EFL1: variants seen among roughly 807,000 people sequenced by gnomAD.
The protein encoded by EFL1 is elongation factor-like GTPase 1.
A neutral mutation model predicts 126.7 loss-of-function variants in EFL1; 76 were observed. The observed-to-expected ratio is 0.60, with a 90% confidence interval of 0.50 to 0.73. EFL1 has a LOEUF of 0.73. Among genes scored for constraint, EFL1 ranks in the 30% least tolerant of loss-of-function variants. The probability of loss-of-function intolerance (pLI) is 0.00; values close to 1 mark genes in which losing one functional copy is unlikely to be tolerated. For synonymous variants in EFL1, 410 were observed against 448.4 expected, an observed-to-expected ratio of 0.91 and a Z score of 1.08; for missense variants, 1,128 against 1,343.2, an observed-to-expected ratio of 0.84 and a Z score of 2.50.
At position 82,132,691 on chromosome 15, in the gene EFL1, GGGGGGTA is replaced by G. The variant is rs1320355036; in HGVS notation, c.3175-2137_3175-2131del. On this transcript the variant is annotated intron_variant, in intron 19 of 19. Coordinates refer to ENST00000268206, the MANE Select transcript of EFL1 (RefSeq NM_024580.6). ...ACAAGGTCCAGGAATTGGGGGGGGGGGGGGGTAGGCAGAGTGGCAGACAAGGGCGAAT... is the reference window on the plus strand; with the variant it reads ...ACAAGGTCCAGGAATTGGGGGGGGGGGGCAGAGTGGCAGACAAGGGCGAAT... Among the ~76,000 whole-genome samples, 3 of 119,316 alleles carry G rather than the reference GGGGGGTA, an allele frequency of 2.5e-5. 1 individual carries two copies. The highest frequency in any genetic ancestry group is 5.3e-5 in the Non-Finnish European group (3 of 57,022). The allele number at this position is 119,316 out of a possible 152,430, so 78.3% of individuals were successfully genotyped here. A position where few individuals can be genotyped will look rare whatever the true frequency, so the allele number is the denominator to read the frequency against.
At chr15:82,253,781 T>C (rs1412856126) in intron 3 of EFL1, among the ~76,000 whole-genome samples, 1 of 152,210 alleles carries the variant, frequency 6.6e-6, no homozygotes, top group Non-Finnish European at 1.5e-5. Flanking sequence ...TACCCACCAA[T>C]GAGTGTCTAC....
At chr15:82,186,868 G>A (rs2074309139) in intron 15 of EFL1, among the ~76,000 whole-genome samples, 1 of 152,124 alleles carries the variant, frequency 6.6e-6, no homozygotes, top group Non-Finnish European at 1.5e-5. Flanking sequence ...TAAATTGCAG[G>A]TCCCCTGGAA....
intron 19 of EFL1, among the ~76,000 whole-genome samples, 176 bp from the exon 20 acceptor site, chr15:82,130,737 G>T (rs897330871): frequency 6.6e-6 from 1 of 152,206 alleles, no homozygotes; most frequent in South Asian, 2.1e-4. Context: ...GGTGGCTCAC[G>T]CCTATAGTCC....
chr15:82,228,405 C>T (rs1355885453), intron 9 of EFL1, 78 bp from the exon 10 acceptor site: 5 of 1,488,344 alleles, frequency 3.4e-6, no homozygotes, highest in Middle Eastern at 1.8e-4. Context: ...CATTATTTGG[C>T]ATATTTTTAC....
chr15:82,152,511 T>C, intron 17 of EFL1, 88 bp from the exon 18 acceptor site: 1 of 1,136,248 alleles, frequency 8.8e-7, no homozygotes, highest in Non-Finnish European at 1.2e-6. Context: ...CAGTGGAGAT[T>C]CTGTAAAAAC....
At position 82,163,849 on chromosome 15, in the gene EFL1, T is replaced by TAAA. The variant is rs1419900863; in HGVS notation, c.1882+3_1882+4insTTT. ...ATATGCTTTTAAAAATAAGGTCATCTTACTTGGATGTTTTGGTTCAACAGC... is the reference window on the plus strand; with the variant it reads ...ATATGCTTTTAAAAATAAGGTCATCTAAATACTTGGATGTTTTGGTTCAACAGC... On this transcript the variant is annotated splice_donor_region_variant and intron_variant, in intron 16 of 19. Coordinates refer to ENST00000268206, the MANE Select transcript of EFL1 (RefSeq NM_024580.6). The TAAA allele has an allele frequency of 6.2e-7, 1 of 1,613,478 alleles. No homozygotes were observed. The highest frequency in any genetic ancestry group is 8.5e-7 in the Non-Finnish European group (1 of 1,179,818).
Position 82,153,307 on chromosome 15 carries a change from A to G in EFL1, c.2031-884T>C, listed in dbSNP as rs901632207. On this transcript the variant is annotated intron_variant, in intron 17 of 19. Transcript: ENST00000268206. ...ATTCACAGGATATACAACAAGATGG[A>G]CCCGACATTGTATGTTTTTAAAACT... 3.3e-5 allele frequency among the ~76,000 whole-genome samples: 5 copies of G among 152,154 alleles called. No homozygotes were observed. In the East Asian group the frequency reaches 9.6e-4, roughly 29 times the overall value.
At chr15:82,225,084 C>T in intron 12 of EFL1, 81 bp downstream of exon 12, 1 of 1,035,830 alleles carries the variant, frequency 9.7e-7, no homozygotes, top group East Asian at 2.6e-5. Context: ...TTATCCGTGC[C>T]CCCCCTACCC....
rs10591425 is a variant in EFL1, at chr15:82,185,658, TACAG to T, written c.1751-21678_1751-21675del. Among the ~76,000 whole-genome samples, 1,144 of 152,094 alleles carry T rather than the reference TACAG, an allele frequency of 7.5e-3. 15 individuals carry two copies. Among genetic ancestry groups the T allele is most frequent in the African/African-American group, 0.026 (1,080 of 41,494 alleles). On this transcript the variant is annotated intron_variant, in intron 15 of 19. Coordinates refer to ENST00000268206, the MANE Select transcript of EFL1 (RefSeq NM_024580.6). The stretch of plus-strand genomic sequence containing the variant: ...ACAATTTAAAAACACAGCCAAAGAA[TACAG>T]ACAATTAAAAAAAATACAAGTGGCC...
In EFL1 at chr15:82,170,106, C is replaced by CTT. The variant is rs760955432; in HGVS notation, c.1751-6124_1751-6123dup. Among the ~76,000 whole-genome samples, 333 of 78,880 alleles carry CTT rather than the reference C, an allele frequency of 4.2e-3. 17 individuals carry two copies. The highest frequency in any genetic ancestry group is 5.0e-3 in the African/African-American group (96 of 19,094). 51.7% of individuals were successfully genotyped at this position (78,880 alleles called of 152,430 possible). A position where few individuals can be genotyped will look rare whatever the true frequency, so the allele number is the denominator to read the frequency against. On this transcript the variant is annotated intron_variant, in intron 15 of 19. Transcript: ENST00000268206. ...GTGTGGAAATGGCACCACTGGATGT[C>CTT]TTTTTTTTTTTTTTTTTTTTTTTTT...
At chr15:82,157,485 T>C in intron 17 of EFL1, 1 of 410,418 alleles carries the variant, frequency 2.4e-6, no homozygotes, top group Non-Finnish European at 4.3e-6. Flanking sequence ...AAAAACATTT[T>C]ATGACTTAAG....
At chr15:82,261,307 C>T (rs2075114305) in intron 2 of EFL1, among the ~76,000 whole-genome samples, 1 of 152,140 alleles carries the variant, frequency 6.6e-6, no homozygotes, top group Non-Finnish European at 1.5e-5. Flanking sequence ...ACATACTAAG[C>T]AAAATATCTT....
intron 15 of EFL1, among the ~76,000 whole-genome samples, chr15:82,198,605 G>A (rs1318298253): frequency 1.3e-5 from 2 of 152,116 alleles, no homozygotes; most frequent in Admixed American, 6.5e-5. Context: ...AAACAGCAAC[G>A]TAACTAAGAA....
chr15:82,139,406 G>A (rs1294158065), intron 18 of EFL1, among the ~76,000 whole-genome samples: 1 of 152,164 alleles, frequency 6.6e-6, no homozygotes, highest in Non-Finnish European at 1.5e-5. Flanking sequence ...CCTGAAAACT[G>A]ATAGGTTTGG....
intron 7 of EFL1, 136 bp downstream of exon 7, chr15:82,238,171 G>A: frequency 1.1e-6 from 1 of 905,464 alleles, no homozygotes; most frequent in East Asian, 2.6e-5. Flanking sequence ...TGGGTAAAGG[G>A]CACCAGAGAA....
At chr15:82,228,995 T>C in intron 9 of EFL1, 39 bp downstream of exon 9, 2 of 1,507,684 alleles carry the variant, frequency 1.3e-6, no homozygotes, top group Non-Finnish European at 1.8e-6. Context: ...CAAATTATAC[T>C]GCCTAAAGAT....
In EFL1 at chr15:82,202,629, A is replaced by G. The variant is rs538051717; in HGVS notation, c.1750+12088T>C. On this transcript the variant is annotated intron_variant, in intron 15 of 19. Coordinates refer to ENST00000268206, the MANE Select transcript of EFL1 (RefSeq NM_024580.6). Reference sequence around the variant, plus strand: ...GCAGAAGAGAGGATCAGAGAGGTTGAAGAGAAGATCAGAGAGGCCTGTTGC... The same window carrying G: ...GCAGAAGAGAGGATCAGAGAGGTTGGAGAGAAGATCAGAGAGGCCTGTTGC... 3.9e-5 allele frequency among the ~76,000 whole-genome samples: 6 copies of G among 152,294 alleles called. No homozygotes were observed. The South Asian group carries it at 1.2e-3, about 32-fold the overall frequency.
At chr15:82,229,524 T>C in intron 8 of EFL1, among the ~76,000 whole-genome samples, 1 of 152,286 alleles carries the variant, frequency 6.6e-6, no homozygotes, top group Non-Finnish European at 1.5e-5. Flanking sequence ...TAGGAAAATT[T>C]TGAAAACCCA....
rs1189350892 is a variant in EFL1, at chr15:82,259,502, T to C, written c.92-347A>G. 2.0e-5 allele frequency among the ~76,000 whole-genome samples: 3 copies of C among 152,206 alleles called. No homozygotes were observed. In the East Asian group the frequency reaches 5.8e-4, roughly 29 times the overall value. On this transcript the variant is annotated intron_variant, in intron 2 of 19. Coordinates refer to ENST00000268206, the MANE Select transcript of EFL1 (RefSeq NM_024580.6). ...AAACTGTCTTAAGAAAATACTTACT[T>C]ATCAAAGAAATTCAGGAACATTATC...
Sources: gnomAD v4.1 joint callset for allele counts (sites outside exome capture counted in the v4.1 genomes callset) on GRCh38, gnomAD v4.1.1 for gene constraint, MANE v1.5 for transcripts, NCBI Gene and HGNC (gene_info 2026-07-23, HGNC 2026-07-21) for gene names.